The following NCBP3 variants were observed in gnomAD, a reference collection of about 807,000 sequenced individuals.
The protein encoded by NCBP3 is nuclear cap-binding protein subunit 3.
A neutral mutation model predicts 75.7 loss-of-function variants in NCBP3; 20 were observed. The ratio of observed to expected loss-of-function variants is 0.26; its 90% confidence interval spans 0.19 to 0.38. The LOEUF is 0.38. NCBP3 is among the 10% of genes least tolerant of loss of function. NCBP3 has a pLI of 1.00. For synonymous variants in NCBP3, 293 were observed against 290.5 expected (o/e 1.01, Z -0.09); for missense variants, 678 against 796.9 (o/e 0.85, Z 1.80).
At chr17:3,833,269 A>G (rs532035963) in intron 3 of NCBP3, among the ~76,000 whole-genome samples, 19 of 152,222 alleles carry the variant, frequency 1.2e-4, no homozygotes, top group African/African-American at 4.3e-4. Flanking sequence ...AAAAACCACC[A>G]TGCTCAGCTA....
rs777170977 is a variant in NCBP3 at position 3,818,236 on chromosome 17, G to T, written c.1310+27C>A. The stretch of plus-strand genomic sequence containing the variant: ...ACTAGTATTTAAAATCAAATTAAAA[G>T]CTAGCTTTGATAAAACAAATTTTTA... On this transcript the variant is annotated intron_variant, in intron 10 of 12. Coordinates refer to ENST00000389005, the MANE Select transcript of NCBP3 (RefSeq NM_001114118.3). The surrounding 1 kb of genome is among the most constrained non-coding windows in gnomAD (Gnocchi z 4.7). 7 of 1,465,426 alleles carry T rather than the reference G, an allele frequency of 4.8e-6. No individual in the cohort carries two copies. The South Asian group carries it at 9.2e-5, about 19-fold the overall frequency. The allele number at this position is 1,465,426 out of a possible 1,614,324, so 90.8% of individuals were successfully genotyped here.
intron 10 of NCBP3, among the ~76,000 whole-genome samples, chr17:3,816,965 T>G (rs1275032276): frequency 2.0e-5 from 3 of 151,798 alleles, no homozygotes; most frequent in African/African-American, 7.3e-5. Context: ...AGGCGGAGCT[T>G]GCAGTGAGCC....
chr17:3,841,888 G>A (rs1050282429), intron 2 of NCBP3, among the ~76,000 whole-genome samples: 37 of 149,026 alleles, frequency 2.5e-4, no homozygotes, highest in Non-Finnish European at 3.0e-5. Flanking sequence ...TTTTATTTTT[G>A]CTTTTATGTA....
At chr17:3,842,802 C>T (rs1459275781) in intron 2 of NCBP3, among the ~76,000 whole-genome samples, 3 of 152,148 alleles carry the variant, frequency 2.0e-5, no homozygotes, top group Non-Finnish European at 4.4e-5. Context: ...TGTGCTACCA[C>T]ACCCGACTAA....
Position 3,812,861 on chromosome 17 carries a change from A to G in NCBP3, c.*183T>C. 1 of 1,427,594 alleles carries G rather than the reference A, an allele frequency of 7.0e-7. No individual in the cohort carries two copies. Among genetic ancestry groups the G allele is most frequent in the South Asian group, 1.5e-5 (1 of 66,636 alleles). 88.4% of individuals were successfully genotyped at this position (1,427,594 alleles called of 1,614,324 possible). ...CAGAACTACAACTCTGCAGCGAAAG[A>G]TAGAGATGCCCTTGAAAATGTGTCA... is the stretch of plus-strand genomic sequence containing the variant. On this transcript the variant is annotated 3_prime_UTR_variant, in exon 13 of 13. Coordinates refer to ENST00000389005, the MANE Select transcript of NCBP3 (RefSeq NM_001114118.3).
rs565093114 is a variant in NCBP3, at chr17:3,825,662, T to C, written c.687+105A>G. On this transcript the variant is annotated intron_variant, in intron 6 of 12. Transcript: ENST00000389005. ...GGTGCACCCTCAGAAGGTCTAATGG[T>C]GAAAGCTAGAGAAAAAACGTAACTA... is the stretch of plus-strand genomic sequence containing the variant. 172 of 778,126 alleles carry C rather than the reference T, an allele frequency of 2.2e-4. No individual in the cohort carries two copies. The African/African-American group carries it at 2.7e-3, about 12-fold the overall frequency. The allele number at this position is 778,126 out of a possible 1,614,324, so 48.2% of individuals were successfully genotyped here.
In NCBP3 at chr17:3,812,818, G is replaced by T; in HGVS notation, c.*226C>A. Reference sequence around the variant, plus strand: ...AAAGGGTAAAGCCTGTGGGGTGGTGGGAAAGGAATCGAGGGCCCAGAACTA... The same window carrying T: ...AAAGGGTAAAGCCTGTGGGGTGGTGTGAAAGGAATCGAGGGCCCAGAACTA... On this transcript the variant is annotated 3_prime_UTR_variant, in exon 13 of 13. Transcript: ENST00000389005. The T allele has an allele frequency of 1.5e-6, 2 of 1,378,048 alleles. No homozygotes were observed. The highest frequency in any genetic ancestry group is 1.9e-6 in the Non-Finnish European group (2 of 1,065,032). The allele number at this position is 1,378,048 out of a possible 1,614,324, so 85.4% of individuals were successfully genotyped here.
rs1391727434 is a variant in NCBP3 at position 3,806,720 on chromosome 17, A to G, written c.*6324T>C. The G allele has an allele frequency of 2.8e-5, 3 of 108,830 alleles. No homozygotes were observed. Among genetic ancestry groups the G allele is most frequent in the African/African-American group, 1.7e-4 (3 of 17,846 alleles). The allele number at this position is 108,830 out of a possible 1,614,324, so 6.7% of individuals were successfully genotyped here. On this transcript the variant is annotated 3_prime_UTR_variant, in exon 13 of 13. Coordinates refer to ENST00000389005, the MANE Select transcript of NCBP3 (RefSeq NM_001114118.3). ...TGAAATGTTCATAGAGCTTCATTGA[A>G]AAAAAAAAAAAAAAAAAAGCTACAA...
chr17:3,816,760 G>C (rs1228059529), intron 10 of NCBP3, among the ~76,000 whole-genome samples: 3 of 152,238 alleles, frequency 2.0e-5, no homozygotes, highest in African/African-American at 7.2e-5. Flanking sequence ...ATAAGAATGT[G>C]AACAGGCTCA....
intron 12 of NCBP3, 35 bp from the exon 13 acceptor site, chr17:3,813,314 C>G: frequency 6.2e-7 from 1 of 1,610,496 alleles, no homozygotes; most frequent in Non-Finnish European, 8.5e-7. Flanking sequence ...CTTTCGCAGT[C>G]AGCGCTAAGA....
intron 3 of NCBP3, among the ~76,000 whole-genome samples, chr17:3,834,803 A>C (rs2053946332): frequency 6.6e-6 from 1 of 151,268 alleles, no homozygotes; most frequent in African/African-American, 2.4e-5. Context: ...CAGTTCCATA[A>C]GAAGCAAGCT....
chr17:3,824,968 C>G lies in NCBP3; in HGVS notation c.770G>C (p.Arg257Thr). Residue 257 changes from arginine to threonine, a missense_variant, in exon 7 of 13, where the codon AGG becomes ACG. Transcript: ENST00000389005. ...RPANKLAKGN[R>T]LFMRFATKDD... ...TTTTGTAGCAAATCTCATGAATAAC[C>G]TATTTCCTTTAGCAAGTTTGTTAGC... is the stretch of plus-strand genomic sequence containing the variant. The G allele has an allele frequency of 6.5e-7, 1 of 1,540,574 alleles. No homozygotes were observed. Among genetic ancestry groups the G allele is most frequent in the Non-Finnish European group, 8.8e-7 (1 of 1,140,694 alleles).
chr17:3,839,175 C>T (rs912271165), intron 3 of NCBP3, among the ~76,000 whole-genome samples: 1 of 152,032 alleles, frequency 6.6e-6, no homozygotes, highest in Non-Finnish European at 1.5e-5. Context: ...TACAATAATT[C>T]GGGGTGAGTT....
In NCBP3 at chr17:3,811,111, A is replaced by T. The variant is rs1286588669; in HGVS notation, c.*1933T>A. ...AGTAGAAATTCATGCTGGCGAGCCC[A>T]CTGCCGTCACAGCTTGGGAAGAGTA... On this transcript the variant is annotated 3_prime_UTR_variant, in exon 13 of 13. Transcript: ENST00000389005. 6.6e-6 allele frequency: 1 copy of T among 152,284 alleles called. No homozygotes were observed. Among genetic ancestry groups the T allele is most frequent in the African/African-American group, 2.4e-5 (1 of 41,410 alleles). The allele number at this position is 152,284 out of a possible 1,614,324, so 9.4% of individuals were successfully genotyped here. A position where few individuals can be genotyped will look rare whatever the true frequency, so the allele number is the denominator to read the frequency against.
chr17:3,841,995 C>T (rs985058149), intron 2 of NCBP3, among the ~76,000 whole-genome samples: 6 of 151,900 alleles, frequency 3.9e-5, no homozygotes, highest in Non-Finnish European at 7.4e-5. Flanking sequence ...ATGTCTAAAA[C>T]GGAACATCAC....
intron 4 of NCBP3, among the ~76,000 whole-genome samples, chr17:3,828,000 C>A (rs1008849931): frequency 6.6e-6 from 1 of 152,212 alleles, no homozygotes; most frequent in African/African-American, 2.4e-5. Flanking sequence ...CTCACTGCTG[C>A]CTCTGCCTCC....
chr17:3,822,186 A>G, intron 7 of NCBP3, 134 bp from the exon 8 acceptor site: 1 of 639,884 alleles, frequency 1.6e-6, no homozygotes, highest in Admixed American at 2.8e-5. Flanking sequence ...ATCCACTACC[A>G]ACATTCACAC....
At chr17:3,843,286 C>T (rs1035588969) in intron 1 of NCBP3, 135 bp from the exon 2 acceptor site, 6 of 691,842 alleles carry the variant, frequency 8.7e-6, no homozygotes, top group Non-Finnish European at 1.4e-5. Context: ...TGCTCTGTTG[C>T]CCAGGCCGGA....
In NCBP3 at chr17:3,818,514, TTCC is replaced by T. The variant is rs749720658; in HGVS notation, c.1056_1058del (p.Glu359del). The T allele has an allele frequency of 2.0e-4, 326 of 1,602,684 alleles. No homozygotes were observed. Among genetic ancestry groups the T allele is most frequent in the Non-Finnish European group, 2.0e-4 (234 of 1,173,030 alleles). ...CCTGGTCTTCTTCTTCCTCTTCCTC[TTCC>T]TCCTCCTCCTCCTCTTCCTCCTCTT... On this transcript the variant is annotated inframe_deletion, in exon 10 of 13. Coordinates refer to ENST00000389005, the MANE Select transcript of NCBP3 (RefSeq NM_001114118.3). This position sits in a 1 kb window ranked among gnomAD's most constrained non-coding sequence, Gnocchi z 4.7.
Sources: allele counts gnomAD v4.1 joint callset (sites outside exome capture counted in the v4.1 genomes callset), GRCh38; gene constraint gnomAD v4.1.1; non-coding constraint Gnocchi (gnomAD v3.1); transcripts MANE v1.5; gene names NCBI Gene and HGNC (gene_info 2026-07-23, HGNC 2026-07-21).